The following PRKAG2 variants were observed in gnomAD, a reference collection of about 807,000 sequenced individuals.
PRKAG2 encodes the protein protein kinase AMP-activated non-catalytic subunit gamma 2, also known as 5'-AMP-activated protein kinase subunit gamma-2.
A neutral mutation model predicts 69.6 loss-of-function variants in PRKAG2; 26 were observed. That is an observed-to-expected ratio of 0.37 (90% CI 0.27 to 0.52). The LOEUF (loss-of-function observed/expected upper bound fraction) is 0.52. PRKAG2 is among the 20% of genes least tolerant of loss of function. The pLI is 0.90. For missense variants in PRKAG2, 557 were observed against 740.0 expected, an observed-to-expected ratio of 0.75 and a Z score of 2.87; for synonymous variants, 293 against 285.0, an observed-to-expected ratio of 1.03 and a Z score of -0.28.
intron 1 of PRKAG2, among the ~76,000 whole-genome samples, chr7:151,845,719 G>C (rs911550488): frequency 6.6e-6 from 1 of 152,208 alleles, no homozygotes; most frequent in Non-Finnish European, 1.5e-5. Flanking sequence ...TGCTGAGGGC[G>C]GCAGGTAGTG....
intron 5 of PRKAG2, among the ~76,000 whole-genome samples, chr7:151,629,703 A>T (rs1022692549): frequency 2.0e-5 from 3 of 152,222 alleles, no homozygotes; most frequent in Non-Finnish European, 4.4e-5. Context: ...TTGGTAATGA[A>T]AATATGAGTA....
chr7:151,642,678 T>A (rs1826932112), intron 4 of PRKAG2, among the ~76,000 whole-genome samples: 1 of 152,258 alleles, frequency 6.6e-6, no homozygotes, highest in South Asian at 2.1e-4. Flanking sequence ...TCTTTAAAGA[T>A]AATTTATTCC....
intron 5 of PRKAG2, among the ~76,000 whole-genome samples, chr7:151,605,170 A>C (rs2727568): frequency 0.73 from 109,713 of 151,250 alleles, 40,100 homozygotes; most frequent in East Asian, 0.98. Context: ...GTGTGGGAAA[A>C]CAAGCCTGGC....
At chr7:151,594,010 C>CA (rs1298569377) in intron 6 of PRKAG2, among the ~76,000 whole-genome samples, 1 of 152,166 alleles carries the variant, frequency 6.6e-6, no homozygotes, top group Non-Finnish European at 1.5e-5. Context: ...AGGTGTGGGG[C>CA]ATGGGAACAG....
At chr7:151,840,525 T>C (rs2079251706) in intron 1 of PRKAG2, among the ~76,000 whole-genome samples, 1 of 152,220 alleles carries the variant, frequency 6.6e-6, no homozygotes, top group Non-Finnish European at 1.5e-5. Flanking sequence ...TCTGTGCACC[T>C]GTCCCGAGGC....
intron 1 of PRKAG2, among the ~76,000 whole-genome samples, chr7:151,800,440 C>T (rs559152845): frequency 6.6e-6 from 1 of 152,232 alleles, no homozygotes; most frequent in African/African-American, 2.4e-5. Context: ...TAGACTCAAC[C>T]CCTCCAGCTC....
chr7:151,579,982 T>C (rs1230538943), intron 6 of PRKAG2, among the ~76,000 whole-genome samples: 1 of 152,186 alleles, frequency 6.6e-6, no homozygotes, highest in Admixed American at 6.5e-5. Context: ...TCAAAAAGGA[T>C]TGGCAAAGTA....
chr7:151,631,938 C>A, intron 5 of PRKAG2, 131 bp downstream of exon 5: 3 of 966,114 alleles, frequency 3.1e-6, no homozygotes, highest in Middle Eastern at 8.4e-4. Flanking sequence ...CGCCCCGGCC[C>A]CTGGGCTTCC....
chr7:151,679,676 G>A (rs547243275), intron 3 of PRKAG2, among the ~76,000 whole-genome samples: 82 of 152,306 alleles, frequency 5.4e-4, no homozygotes, highest in African/African-American at 7.7e-4. Flanking sequence ...GGGTCTTCGT[G>A]TGTAAAGGAA....
intron 3 of PRKAG2, among the ~76,000 whole-genome samples, chr7:151,727,972 G>A (rs969028398): frequency 2.0e-5 from 3 of 152,296 alleles, no homozygotes; most frequent in African/African-American, 4.8e-5. Context: ...GCCCTGGGGC[G>A]GACGCCCGGA....
At chr7:151,695,286 C>T (rs1044049229) in intron 3 of PRKAG2, among the ~76,000 whole-genome samples, 7 of 152,236 alleles carry the variant, frequency 4.6e-5, no homozygotes, top group African/African-American at 1.7e-4. Flanking sequence ...CATAAAATCA[C>T]ACCGCCTGTC....
chr7:151,859,108 C>T (rs1257410708), intron 1 of PRKAG2, among the ~76,000 whole-genome samples: 1 of 152,232 alleles, frequency 6.6e-6, no homozygotes, highest in African/African-American at 2.4e-5. Flanking sequence ...GAGTCTGTCA[C>T]AGAACAGATT....
chr7:151,847,007 T>C (rs1178941261), intron 1 of PRKAG2, among the ~76,000 whole-genome samples: 1 of 152,130 alleles, frequency 6.6e-6, no homozygotes, highest in Admixed American at 6.5e-5. Context: ...CTAATGTAAG[T>C]GTGTATGGGG....
chr7:151,755,737 A>C (rs1350762519), intron 3 of PRKAG2, among the ~76,000 whole-genome samples: 1 of 152,180 alleles, frequency 6.6e-6, no homozygotes, highest in East Asian at 1.9e-4. Context: ...GGCTTTTTAC[A>C]GGAAACATTT....
At chr7:151,787,788 T>C (rs1586537692) in intron 1 of PRKAG2, among the ~76,000 whole-genome samples, 1 of 152,112 alleles carries the variant, frequency 6.6e-6, no homozygotes, top group South Asian at 2.1e-4. Context: ...TAATTTAAAA[T>C]GAGGTCATTA....
intron 6 of PRKAG2, among the ~76,000 whole-genome samples, chr7:151,587,642 AATC>A (rs1812010015): frequency 6.6e-6 from 1 of 152,114 alleles, no homozygotes; most frequent in African/African-American, 2.4e-5. Flanking sequence ...AATCATGATA[AATC>A]ATCATGCAAA....
chr7:151,573,349 T>G (rs1808141018), intron 8 of PRKAG2, among the ~76,000 whole-genome samples: 2 of 135,770 alleles, frequency 1.5e-5, no homozygotes, highest in Non-Finnish European at 3.2e-5. Context: ...TTTTTTTTTT[T>G]TTTTTTTTTT....
At chr7:151,563,264 G>A (rs1805497255) in intron 14 of PRKAG2, among the ~76,000 whole-genome samples, 1 of 152,104 alleles carries the variant, frequency 6.6e-6, no homozygotes, top group African/African-American at 2.4e-5. Context: ...ATCTTGTGAA[G>A]GAATTTTCTT....
chr7:151,675,468 C>T lies in PRKAG2; in HGVS notation c.636G>A (p.Pro212=), dbSNP rs149820808. The T allele has an allele frequency of 2.2e-5, 36 of 1,613,992 alleles. No homozygotes were observed. Among genetic ancestry groups the T allele is most frequent in the Non-Finnish European group, 2.6e-5 (31 of 1,180,050 alleles). The change falls in exon 4 of 16, where the codon CCG becomes CCA. Residue 212 remains proline, a synonymous_variant. Coordinates refer to ENST00000287878, the MANE Select transcript of PRKAG2 (RefSeq NM_016203.4). The part of the protein sequence containing the change: ...QRFCPSSFQS[P]TRPPLASPTH... Reference sequence around the variant, plus strand: ...TCGGTGATGCCAGTGGAGGCCTGGTCGGGCTCTGGAAGGAAGACGGGCAGA... The same window carrying T: ...TCGGTGATGCCAGTGGAGGCCTGGTTGGGCTCTGGAAGGAAGACGGGCAGA...
Sources: gnomAD v4.1 joint callset for allele counts (sites outside exome capture counted in the v4.1 genomes callset) on GRCh38, gnomAD v4.1.1 for gene constraint, MANE v1.5 for transcripts, NCBI Gene and HGNC (gene_info 2026-07-23, HGNC 2026-07-21) for gene names.